TIAM2: variants seen among roughly 807,000 people sequenced by gnomAD.
TIAM2 encodes the protein TIAM Rac1 associated GEF 2, also known as rho guanine nucleotide exchange factor TIAM2.
A neutral mutation model predicts 152.9 loss-of-function variants in TIAM2; 80 were observed. The observed-to-expected ratio is 0.52, with a 90% CI of 0.44 to 0.63. The LOEUF is 0.63. Among genes scored for constraint, TIAM2 ranks in the 30% least tolerant of loss-of-function variants. The probability of loss-of-function intolerance (pLI) is 0.00; values close to 1 mark genes in which losing one functional copy is unlikely to be tolerated. For synonymous variants in TIAM2, 804 were observed against 838.0 expected, an observed-to-expected ratio of 0.96 and a Z score of 0.70; for missense variants, 1,965 against 2,120.1, an observed-to-expected ratio of 0.93 and a Z score of 1.44.
intron 15 of TIAM2, among the ~76,000 whole-genome samples, chr6:155,225,447 A>G (rs151038506): frequency 1.8e-3 from 275 of 152,290 alleles, no homozygotes; most frequent in African/African-American, 6.3e-3. Context: ...TCAAGCAGTA[A>G]TACAACGTGA....
intron 2 of TIAM2, among the ~76,000 whole-genome samples, chr6:155,125,532 C>G (rs889312700): frequency 6.6e-6 from 1 of 152,024 alleles, no homozygotes; most frequent in Non-Finnish European, 1.5e-5. Flanking sequence ...AACAGTATGG[C>G]GGTTCTGTAA....
chr6:155,022,279 C>T lies in TIAM2; in HGVS notation c.-209+26787C>T, dbSNP rs1381103070. 5 of 152,366 alleles carry T rather than the reference C, an allele frequency of 3.3e-5. No homozygotes were observed. The East Asian group carries it at 9.6e-4, about 29-fold the overall frequency. 9.4% of individuals were successfully genotyped at this position (152,366 alleles called of 1,614,324 possible). A position where few individuals can be genotyped will look rare whatever the true frequency, so the allele number is the denominator to read the frequency against. On this transcript the variant is annotated intron_variant, in intron 1 of 26. Coordinates refer to ENST00000682666, the MANE Select transcript of TIAM2 (RefSeq NM_012454.4). Reference sequence around the variant, plus strand: ...CATATTTAAAAGTGATTAACCACTGCAGGGCCTTCTTGTGTCCATGTGTGC... The same window carrying T: ...CATATTTAAAAGTGATTAACCACTGTAGGGCCTTCTTGTGTCCATGTGTGC...
In TIAM2 at chr6:155,137,549, A is replaced by G; in HGVS notation, c.1567A>G (p.Lys523Glu). 6.2e-7 allele frequency: 1 copy of G among 1,613,004 alleles called. No homozygotes were observed. Among genetic ancestry groups the G allele is most frequent in the Middle Eastern group, 1.7e-4 (1 of 6,060 alleles). Residue 523 changes from lysine (K) to glutamate (E), a missense_variant, in exon 5 of 27, where the codon AAG becomes GAG. Transcript: ENST00000682666. ...LFFKPLVTVQ[K>E]ERKLELVARR... ...CTTCAAGCCCCTGGTCACTGTGCAG[A>G]AGGAAAGGAAGCTTGAGCTGGTGGC...
intron 2 of TIAM2, among the ~76,000 whole-genome samples, chr6:155,117,456 C>G (rs887774469): frequency 6.6e-6 from 1 of 152,146 alleles, no homozygotes; most frequent in Non-Finnish European, 1.5e-5. Flanking sequence ...TCTCTCTTCC[C>G]CCTGTAGACG....
At chr6:155,220,900 C>T (rs1016322860) in intron 15 of TIAM2, among the ~76,000 whole-genome samples, 5 of 152,032 alleles carry the variant, frequency 3.3e-5, no homozygotes, top group African/African-American at 7.2e-5. Flanking sequence ...TTTCTCCTGA[C>T]GCTATCCGTC....
chr6:155,124,860 C>T (rs1779254604), intron 2 of TIAM2, among the ~76,000 whole-genome samples: 1 of 141,480 alleles, frequency 7.1e-6, no homozygotes, highest in African/African-American at 2.6e-5. Context: ...ATCTATTTGA[C>T]TTTTTTTTTT....
chr6:155,253,381 G>T, intron 24 of TIAM2: 1 of 270,734 alleles, frequency 3.7e-6, no homozygotes, highest in South Asian at 6.7e-5. Flanking sequence ...TACAAATTTA[G>T]AATATAGCAG....
chr6:155,117,481 C>T lies in TIAM2; in HGVS notation c.-117-10009C>T, dbSNP rs543541792. Among the ~76,000 whole-genome samples the T allele has an allele frequency of 1.4e-4, 21 of 152,308 alleles. No homozygotes were observed. In the South Asian group the frequency reaches 1.5e-3, roughly 11 times the overall value. On this transcript the variant is annotated intron_variant, in intron 2 of 26. Transcript: ENST00000682666. ...CCCTGTAGACGGAGTCATGCTTTGT[C>T]GCCCAGGCTGGAATGCAGTGGCGCC...
Position 155,069,321 on chromosome 6 carries a change from A to T in TIAM2, c.-208-20968A>T, listed in dbSNP as rs552903029. ...GTTTCCCAGGCTGGTCTTGAACTCC[A>T]GGGCTTGAGCGATCCTCCCACCTCA... On this transcript the variant is annotated intron_variant, in intron 1 of 26. Coordinates refer to ENST00000682666, the MANE Select transcript of TIAM2 (RefSeq NM_012454.4). Among the ~76,000 whole-genome samples the T allele has an allele frequency of 9.2e-5, 14 of 152,068 alleles. No individual in the cohort carries two copies. In the East Asian group the frequency reaches 2.5e-3, roughly 27 times the overall value.
chr6:155,103,177 C>G (rs534832586), intron 2 of TIAM2, among the ~76,000 whole-genome samples: 3 of 152,070 alleles, frequency 2.0e-5, no homozygotes, highest in African/African-American at 7.2e-5. Context: ...TGACAGTATA[C>G]GACTGTAGTT....
intron 15 of TIAM2, among the ~76,000 whole-genome samples, chr6:155,222,613 CAAA>C (rs1782089717): frequency 1.2e-5 from 1 of 85,282 alleles, no homozygotes; most frequent in Admixed American, 1.4e-4. Flanking sequence ...AAACAAAAAA[CAAA>C]CAAAAAAAAA....
At chr6:155,034,836 C>G (rs532197463) in intron 1 of TIAM2, among the ~76,000 whole-genome samples, 1 of 152,218 alleles carries the variant, frequency 6.6e-6, no homozygotes, top group South Asian at 2.1e-4. Flanking sequence ...CAATTTTCAC[C>G]ATTAAGTACG....
In TIAM2 at chr6:154,997,629, ATTTTTTTTTTT is replaced by A. The variant is rs57280691; in HGVS notation, c.-209+2156_-209+2166del. On this transcript the variant is annotated intron_variant, in intron 1 of 26. Transcript: ENST00000682666. ...CCGTGAACGAGTGAAGAAAGAATGG[ATTTTTTTTTTT>A]TTTTTTTTTTTTTTTTTTGAGACAG... Among the ~76,000 whole-genome samples, 98 of 62,112 alleles carry A rather than the reference ATTTTTTTTTTT, an allele frequency of 1.6e-3. 2 individuals carry two copies. The South Asian group carries it at 0.044, about 28-fold the overall frequency. 40.7% of individuals were successfully genotyped at this position (62,112 alleles called of 152,430 possible). A position where few individuals can be genotyped will look rare whatever the true frequency, so the allele number is the denominator to read the frequency against.
intron 1 of TIAM2, among the ~76,000 whole-genome samples, chr6:155,076,989 C>A (rs1777976928): frequency 6.6e-6 from 1 of 152,200 alleles, no homozygotes; most frequent in Admixed American, 6.5e-5. Flanking sequence ...AGCCATAGCA[C>A]CCGGTCGAAA....
intron 2 of TIAM2, among the ~76,000 whole-genome samples, chr6:155,095,622 A>C (rs1436231267): frequency 1.3e-5 from 2 of 152,206 alleles, no homozygotes; most frequent in African/African-American, 2.4e-5. Context: ...GAGTGGCCCC[A>C]TCTGTCAGGA....
rs1781040040 is a variant in TIAM2, at chr6:155,186,223, C to T, written c.3064+2723C>T. Among the ~76,000 whole-genome samples the T allele has an allele frequency of 6.6e-6, 1 of 152,202 alleles. No homozygotes were observed. The highest frequency in any genetic ancestry group is 1.5e-5 in the Non-Finnish European group (1 of 68,046). Reference sequence around the variant, plus strand: ...TTTGAGTCAGACGTGGGTTCAGGTCCTGGGCTGCCCTATACTGGTTTTTTG... The same window carrying T: ...TTTGAGTCAGACGTGGGTTCAGGTCTTGGGCTGCCCTATACTGGTTTTTTG... On this transcript the variant is annotated intron_variant, in intron 14 of 26. Coordinates refer to ENST00000682666, the MANE Select transcript of TIAM2 (RefSeq NM_012454.4). The surrounding 1 kb of genome is among the most constrained non-coding windows in gnomAD (Gnocchi z 4.5).
chr6:155,116,417 T>C (rs1779012478), intron 2 of TIAM2, among the ~76,000 whole-genome samples: 1 of 143,794 alleles, frequency 7.0e-6, no homozygotes, highest in Non-Finnish European at 1.5e-5. Context: ...CAAAAACCCT[T>C]GTTGAAGTAG....
At chr6:155,234,683 G>A (rs1413602870) in intron 15 of TIAM2, among the ~76,000 whole-genome samples, 1 of 152,226 alleles carries the variant, frequency 6.6e-6, no homozygotes, top group Admixed American at 6.5e-5. Flanking sequence ...GGGATTACAG[G>A]CATGAGCCAC....
rs1043279787 is a variant in TIAM2, at chr6:155,127,505, T to C, written c.-102T>C. 3 of 451,178 alleles carry C rather than the reference T, an allele frequency of 6.6e-6. No individual in the cohort carries two copies. Among genetic ancestry groups the C allele is most frequent in the African/African-American group, 6.0e-5 (3 of 49,834 alleles). The allele number at this position is 451,178 out of a possible 1,614,324, so 27.9% of individuals were successfully genotyped here. ...TGTTTTTCAGGCTCACTTCATGGACTCACTTTGCGTGCTTGTTAAATGTGC... is the reference window on the plus strand; with the variant it reads ...TGTTTTTCAGGCTCACTTCATGGACCCACTTTGCGTGCTTGTTAAATGTGC... On this transcript the variant is annotated 5_prime_UTR_variant, in exon 3 of 27. Transcript: ENST00000682666.
Sources: allele counts gnomAD v4.1 joint callset (sites outside exome capture counted in the v4.1 genomes callset), GRCh38; gene constraint gnomAD v4.1.1; non-coding constraint Gnocchi (gnomAD v3.1); transcripts MANE v1.5; gene names NCBI Gene and HGNC (gene_info 2026-07-23, HGNC 2026-07-21).